Variants in MTMR8 observed in about 807,000 individuals in gnomAD.
The protein encoded by MTMR8 is phosphatidylinositol-3,5-bisphosphate 3-phosphatase MTMR8.
A neutral mutation model predicts 39.3 loss-of-function variants in MTMR8; 65 were observed. The observed-to-expected ratio is 1.65, with a 90% CI of 1.35 to 2.03. MTMR8 has a LOEUF of 2.03. Among genes scored for constraint, MTMR8 ranks in the 30% most tolerant of loss-of-function variants. MTMR8 has a pLI of 0.00. For synonymous variants in MTMR8, 245 were observed against 185.2 expected (o/e 1.32, Z -2.62); for missense variants, 777 against 538.9 (o/e 1.44, Z -4.37).
chrX:64,303,532 T>C (rs1312032043), intron 12 of MTMR8, among the ~76,000 whole-genome samples: 1 of 112,274 alleles, frequency 8.9e-6, no homozygotes, highest in Non-Finnish European at 1.9e-5. Flanking sequence ...ATATTTCTTA[T>C]AGCAAACTGT....
chrX:64,311,120 G>A, intron 12 of MTMR8, among the ~76,000 whole-genome samples: 1 of 111,927 alleles, frequency 8.9e-6, no homozygotes, highest in East Asian at 2.8e-4. Context: ...CCCACCAACA[G>A]TGTAAAAGCA....
intron 12 of MTMR8, among the ~76,000 whole-genome samples, chrX:64,285,231 A>G (rs1192054756): frequency 8.9e-6 from 1 of 111,966 alleles, no homozygotes; most frequent in African/African-American, 3.3e-5. Flanking sequence ...AAAGAAGGCC[A>G]TTACATAATG....
chrX:64,376,825 A>C (rs1924282606), intron 1 of MTMR8, among the ~76,000 whole-genome samples: 1 of 112,010 alleles, frequency 8.9e-6, no homozygotes, highest in Admixed American at 9.4e-5. Context: ...CATTTCAGAG[A>C]CCTTCACAGC....
chrX:64,311,655 T>A (rs1460500320), intron 12 of MTMR8, among the ~76,000 whole-genome samples: 1 of 111,732 alleles, frequency 8.9e-6, no homozygotes, highest in East Asian at 2.8e-4. Context: ...TTAATCCATC[T>A]GGAATTAATT....
intron 12 of MTMR8, among the ~76,000 whole-genome samples, chrX:64,275,154 T>C (rs1347462084): frequency 3.6e-5 from 4 of 111,264 alleles, no homozygotes; most frequent in African/African-American, 1.3e-4. Context: ...AAACATCACA[T>C]TGTACCCCTG....
chrX:64,296,808 C>G (rs1476403335), intron 12 of MTMR8, among the ~76,000 whole-genome samples: 1 of 99,849 alleles, frequency 1.0e-5, no homozygotes, highest in Non-Finnish European at 2.0e-5. Flanking sequence ...TCAATTCCCA[C>G]CTATGAGTGA....
At chrX:64,343,539 C>T in intron 8 of MTMR8, 72 bp downstream of exon 8, 1 of 625,371 alleles carries the variant, frequency 1.6e-6, no homozygotes, top group Non-Finnish European at 2.5e-6. Context: ...ATTCTTTCCA[C>T]CATGGCACAC....
At chrX:64,356,393 C>G in intron 2 of MTMR8, 55 bp from the exon 3 acceptor site, 6 of 1,061,773 alleles carry the variant, frequency 5.7e-6, no homozygotes, top group Non-Finnish European at 7.7e-6. Flanking sequence ...ATCTCTATCA[C>G]TATCAGTATT....
chrX:64,324,405 C>T (rs930159746), intron 12 of MTMR8, among the ~76,000 whole-genome samples: 7 of 110,662 alleles, frequency 6.3e-5, no homozygotes, highest in East Asian at 2.9e-4. Flanking sequence ...AGAAAGAGGA[C>T]GGACTTGGTG....
intron 10 of MTMR8, among the ~76,000 whole-genome samples, chrX:64,334,978 T>C (rs1483752749): frequency 6.3e-5 from 7 of 111,844 alleles, no homozygotes; most frequent in Non-Finnish European, 1.1e-4. Context: ...GTCTTCTCAA[T>C]ACCTAACATA....
At chrX:64,294,852 G>C (rs977705645) in intron 12 of MTMR8, among the ~76,000 whole-genome samples, 2 of 111,299 alleles carry the variant, frequency 1.8e-5, no homozygotes, top group East Asian at 2.8e-4. Flanking sequence ...CATCACATTG[G>C]GAGTTAGGAT....
At chrX:64,285,043 T>G (rs1378032906) in intron 12 of MTMR8, among the ~76,000 whole-genome samples, 1 of 110,585 alleles carries the variant, frequency 9.0e-6, no homozygotes, top group African/African-American at 3.3e-5. Context: ...GGATAAAGAG[T>G]CAAGACCCAT....
At chrX:64,389,509 G>A (rs1304924238) in intron 1 of MTMR8, among the ~76,000 whole-genome samples, 2 of 111,678 alleles carry the variant, frequency 1.8e-5, no homozygotes, top group Non-Finnish European at 3.8e-5. Flanking sequence ...TTGAAGGAGT[G>A]GGTTTTGGTG....
At position 64,359,317 on chromosome X, in the gene MTMR8, T is replaced by C. The variant is rs935307694; in HGVS notation, c.147+88A>G. The C allele has an allele frequency of 6.3e-6, 6 of 949,504 alleles. No homozygotes were observed. The African/African-American group carries it at 1.0e-4, about 16-fold the overall frequency. The allele number at this position is 949,504 out of a possible 1,213,427, so 78.2% of individuals were successfully genotyped here. On this transcript the variant is annotated intron_variant, in intron 2 of 13. Transcript: ENST00000374852. ...AAAGGTTTTACAGCAATTTAAAAAT[T>C]ACACTTGAAATTTCAAGAAACTACC...
intron 8 of MTMR8, among the ~76,000 whole-genome samples, chrX:64,337,617 C>T (rs1195318360): frequency 9.0e-6 from 1 of 111,589 alleles, no homozygotes; most frequent in African/African-American, 3.3e-5. Context: ...AAAACTAACC[C>T]ATAATGCAGG....
intron 1 of MTMR8, among the ~76,000 whole-genome samples, chrX:64,392,056 T>C (rs1390195654): frequency 8.9e-6 from 1 of 111,772 alleles, no homozygotes; most frequent in Non-Finnish European, 1.9e-5. Context: ...CTGATTCAGA[T>C]AGGAGAGTCA....
intron 2 of MTMR8, among the ~76,000 whole-genome samples, chrX:64,357,426 A>C (rs1923655102): frequency 9.0e-6 from 1 of 111,119 alleles, no homozygotes; most frequent in African/African-American, 3.3e-5. Context: ...TCCTAGGATA[A>C]ATTTTCTATT....
chrX:64,298,337 T>G (rs1285764378), intron 12 of MTMR8, among the ~76,000 whole-genome samples: 1 of 96,864 alleles, frequency 1.0e-5, no homozygotes, highest in African/African-American at 4.1e-5. Context: ...TTATTCTCTT[T>G]GAAGCAATTG....
At chrX:64,367,813 T>C (rs1189799469) in intron 1 of MTMR8, among the ~76,000 whole-genome samples, 3 of 111,398 alleles carry the variant, frequency 2.7e-5, no homozygotes, top group Non-Finnish European at 5.7e-5. Flanking sequence ...AAAGAGGAAG[T>C]CAAATTGTCC....
Sources: allele counts gnomAD v4.1 joint callset (sites outside exome capture counted in the v4.1 genomes callset), GRCh38; gene constraint gnomAD v4.1.1; transcripts MANE v1.5; gene names NCBI Gene and HGNC (gene_info 2026-07-23, HGNC 2026-07-21).